The following UBXN7 variants were observed in gnomAD, a reference collection of about 807,000 sequenced individuals.
UBXN7 encodes the protein UBX domain-containing protein 7.
UBXN7 carries 9 observed loss-of-function variants against 58.0 expected under a neutral mutation model. The ratio of observed to expected loss-of-function variants is 0.16; its 90% CI spans 0.09 to 0.27. The LOEUF is 0.27. Ranked by LOEUF, UBXN7 falls within the 10% of genes least tolerant of loss-of-function variation. UBXN7 has a pLI of 1.00. For synonymous variants in UBXN7, 208 were observed against 205.0 expected (o/e 1.01, Z -0.12); for missense variants, 328 against 599.6 (o/e 0.55, Z 4.73).
intron 3 of UBXN7, among the ~76,000 whole-genome samples, chr3:196,396,961 A>G (rs573939092): frequency 6.6e-6 from 1 of 152,150 alleles, no homozygotes; most frequent in South Asian, 2.1e-4. Context: ...TATACTCACT[A>G]GTTCCTCTTA....
At chr3:196,430,633 C>T (rs1036775745) in intron 1 of UBXN7, among the ~76,000 whole-genome samples, 1 of 152,054 alleles carries the variant, frequency 6.6e-6, no homozygotes, top group Non-Finnish European at 1.5e-5. Flanking sequence ...ATGTGAATCT[C>T]CAGCCTCCGT....
intron 2 of UBXN7, among the ~76,000 whole-genome samples, chr3:196,405,838 C>G (rs1222740806): frequency 6.6e-6 from 1 of 152,042 alleles, no homozygotes; most frequent in African/African-American, 2.4e-5. Flanking sequence ...AATCAATTAG[C>G]AATACAAACT....
chr3:196,413,587 C>T (rs1730397070), intron 1 of UBXN7, among the ~76,000 whole-genome samples: 1 of 152,098 alleles, frequency 6.6e-6, no homozygotes. Context: ...GAGTGAACAT[C>T]CCATCAGTTA....
chr3:196,358,372 A>C (rs1430790731), intron 10 of UBXN7, among the ~76,000 whole-genome samples: 1 of 152,240 alleles, frequency 6.6e-6, no homozygotes, highest in Non-Finnish European at 1.5e-5. Flanking sequence ...GCAGGCATGA[A>C]ACAGAAAAAT....
chr3:196,421,387 C>A (rs895737062), intron 1 of UBXN7, among the ~76,000 whole-genome samples: 4 of 152,120 alleles, frequency 2.6e-5, no homozygotes, highest in Admixed American at 2.0e-4. Context: ...AATACAAATT[C>A]CAGTGGAAGC....
chr3:196,364,997 G>A lies in UBXN7; in HGVS notation c.835-2310C>T, dbSNP rs150533940. Among the ~76,000 whole-genome samples, 40 of 152,188 alleles carry A rather than the reference G, an allele frequency of 2.6e-4. No homozygotes were observed. In the East Asian group the frequency reaches 7.1e-3, roughly 27 times the overall value. The stretch of plus-strand genomic sequence containing the variant: ...ACATTGCACATATAGCATGTAGCTC[G>A]ATTTTAAAAATTGTGGCCATGGCAG... On this transcript the variant is annotated intron_variant, in intron 8 of 10. Coordinates refer to ENST00000296328, the MANE Select transcript of UBXN7 (RefSeq NM_015562.2).
intron 10 of UBXN7, among the ~76,000 whole-genome samples, chr3:196,358,553 T>C (rs185263690): frequency 1.8e-4 from 28 of 152,222 alleles, no homozygotes; most frequent in Admixed American, 1.0e-3. Flanking sequence ...CTGGGTAACA[T>C]AGTGAGAACC....
intron 1 of UBXN7, among the ~76,000 whole-genome samples, chr3:196,415,152 TC>T (rs1305283839): frequency 1.4e-5 from 2 of 145,936 alleles, no homozygotes; most frequent in East Asian, 3.9e-4. Context: ...TTATCATACT[TC>T]TTTTTTTTTT....
chr3:196,407,311 A>G lies in UBXN7; in HGVS notation c.156T>C (p.Gly52=), dbSNP rs1577468714. The change falls in exon 2 of 11, where the codon GGT becomes GGC. Residue 52 remains glycine, a synonymous_variant. Coordinates refer to ENST00000296328, the MANE Select transcript of UBXN7 (RefSeq NM_015562.2). ...LEMAVTMFLD[G]GGIAEEPSTS... ...TACTGGGCTCTTCAGCGATTCCTCC[A>G]CCATCCAAAAACATAGTGACTGCCA... 6 of 1,614,044 alleles carry G rather than the reference A, an allele frequency of 3.7e-6. No homozygotes were observed. In the African/African-American group the frequency reaches 8.0e-5, roughly 22 times the overall value.
intron 1 of UBXN7, among the ~76,000 whole-genome samples, chr3:196,430,319 A>G (rs539148206): frequency 1.1e-3 from 161 of 152,004 alleles, no homozygotes; most frequent in African/African-American, 3.8e-3. Context: ...CGTGCCTGGG[A>G]GATCTGCACT....
chr3:196,374,296 T>C (rs1476651451), intron 5 of UBXN7, among the ~76,000 whole-genome samples: 4 of 152,152 alleles, frequency 2.6e-5, no homozygotes, highest in African/African-American at 9.7e-5. Context: ...TTTTAAAAAT[T>C]TGTTTACTCA....
At chr3:196,391,689 G>T (rs1729587111) in intron 5 of UBXN7, 124 bp downstream of exon 5, 1 of 629,742 alleles carries the variant, frequency 1.6e-6, no homozygotes, top group East Asian at 3.0e-5. Context: ...AGCTATGATT[G>T]TGTCACTGCA....
rs1396223881 is a variant in UBXN7, at chr3:196,348,804, A to G, written c.*7881T>C. 1 of 152,170 alleles carries G rather than the reference A, an allele frequency of 6.6e-6. No homozygotes were observed. Among genetic ancestry groups the G allele is most frequent in the Non-Finnish European group, 1.5e-5 (1 of 68,044 alleles). 9.4% of individuals were successfully genotyped at this position (152,170 alleles called of 1,614,324 possible). A position where few individuals can be genotyped will look rare whatever the true frequency, so the allele number is the denominator to read the frequency against. On this transcript the variant is annotated 3_prime_UTR_variant, in exon 11 of 11. Transcript: ENST00000296328. ...ATGCCAGAACTGGACATCCCAGGTG[A>G]CTTCAAATGCATTGTTCAAGCCGAA...
chr3:196,375,587 T>C (rs1728994317), intron 5 of UBXN7, among the ~76,000 whole-genome samples: 2 of 152,290 alleles, frequency 1.3e-5, no homozygotes, highest in South Asian at 2.1e-4. Context: ...TCATGGAAGA[T>C]TATCATTGAA....
intron 3 of UBXN7, among the ~76,000 whole-genome samples, chr3:196,402,461 GA>G (rs1322159598): frequency 6.6e-6 from 1 of 152,112 alleles, no homozygotes; most frequent in Admixed American, 6.6e-5. Context: ...TTACAAAAGG[GA>G]AATAAATGCT....
intron 2 of UBXN7, among the ~76,000 whole-genome samples, chr3:196,406,117 C>G (rs1486632833): frequency 6.6e-6 from 1 of 151,932 alleles, no homozygotes; most frequent in East Asian, 1.9e-4. Context: ...ACTGCAACCT[C>G]AACCTCCCAG....
intron 1 of UBXN7, among the ~76,000 whole-genome samples, chr3:196,413,764 C>T (rs1484415012): frequency 3.3e-5 from 5 of 152,154 alleles, no homozygotes; most frequent in Non-Finnish European, 7.4e-5. Context: ...ATCCATGGGG[C>T]ACTGGTTCCA....
intron 3 of UBXN7, among the ~76,000 whole-genome samples, chr3:196,396,429 ATAAC>A (rs1452149156): frequency 2.0e-5 from 3 of 151,990 alleles, no homozygotes; most frequent in Non-Finnish European, 4.4e-5. Context: ...CTTTTTAAAA[ATAAC>A]TAGATATCTG....
At chr3:196,416,080 T>G (rs1458753772) in intron 1 of UBXN7, 2 of 152,222 alleles carry the variant, frequency 1.3e-5, no homozygotes, top group African/African-American at 4.8e-5. Context: ...GAAGTGAAAC[T>G]CACTTCTGCC....
Sources: gnomAD v4.1 joint callset for allele counts (sites outside exome capture counted in the v4.1 genomes callset) on GRCh38, gnomAD v4.1.1 for gene constraint, MANE v1.5 for transcripts, NCBI Gene and HGNC (gene_info 2026-07-23, HGNC 2026-07-21) for gene names.